The following DOCK3 variants were observed in gnomAD, a reference collection of about 807,000 sequenced individuals.
The protein encoded by DOCK3 is dedicator of cytokinesis 3, also known as dedicator of cytokinesis protein 3.
In DOCK3, 60 loss-of-function variants were observed where a neutral mutation model predicts 265.6. That is an observed-to-expected ratio of 0.23 (90% CI 0.18 to 0.28). DOCK3 has a LOEUF of 0.28. Ranked by LOEUF, DOCK3 falls within the 10% of genes least tolerant of loss-of-function variation. The pLI, the probability that DOCK3 is intolerant of heterozygous loss-of-function variation, is 1.00. For missense variants in DOCK3, 1,981 were observed against 2,594.3 expected (o/e 0.76, Z 5.14); for synonymous variants, 881 against 938.0 (o/e 0.94, Z 1.11).
intron 1 of DOCK3, among the ~76,000 whole-genome samples, chr3:50,747,161 A>G (rs775463874): frequency 7.2e-5 from 11 of 152,178 alleles, no homozygotes; most frequent in Non-Finnish European, 7.3e-5. Context: ...CCACTGATCT[A>G]TTAGTCTGTA....
At chr3:50,896,151 T>A (rs1451034410) in intron 4 of DOCK3, among the ~76,000 whole-genome samples, 1 of 152,210 alleles carries the variant, frequency 6.6e-6, no homozygotes, top group East Asian at 1.9e-4. Context: ...TGTAAAAGTG[T>A]TCCTATTTCT....
At chr3:51,098,257 A>C (rs140354230) in intron 9 of DOCK3, among the ~76,000 whole-genome samples, 1 of 152,100 alleles carries the variant, frequency 6.6e-6, no homozygotes, top group Admixed American at 6.5e-5. Context: ...GGGTTTCACC[A>C]TGTTTGCCAG....
intron 6 of DOCK3, among the ~76,000 whole-genome samples, chr3:51,072,997 C>T (rs1020815091): frequency 3.3e-5 from 5 of 151,888 alleles, no homozygotes; most frequent in East Asian, 1.9e-4. Flanking sequence ...CATGAGCTAC[C>T]GCACCTAGCC....
intron 5 of DOCK3, among the ~76,000 whole-genome samples, chr3:50,934,840 T>C (rs2051266738): frequency 1.3e-5 from 2 of 152,186 alleles, no homozygotes; most frequent in African/African-American, 2.4e-5. Context: ...TCATAATATC[T>C]ACACTAAAAG....
chr3:51,177,140 C>G (rs1244212050), intron 12 of DOCK3, among the ~76,000 whole-genome samples: 1 of 152,146 alleles, frequency 6.6e-6, no homozygotes, highest in Admixed American at 6.5e-5. Flanking sequence ...CCTGGTTAAG[C>G]AGGTGACTCA....
intron 5 of DOCK3, among the ~76,000 whole-genome samples, chr3:50,934,844 C>G (rs529235635): frequency 1.3e-5 from 2 of 152,158 alleles, no homozygotes; most frequent in Non-Finnish European, 2.9e-5. Flanking sequence ...AATATCTACA[C>G]TAAAAGTAAG....
At chr3:51,006,171 G>T (rs2078668806) in intron 5 of DOCK3, among the ~76,000 whole-genome samples, 1 of 151,164 alleles carries the variant, frequency 6.6e-6, no homozygotes, top group South Asian at 2.1e-4. Context: ...CTCTGCTCGT[G>T]TTACAGTCTC....
intron 15 of DOCK3, 126 bp downstream of exon 15, chr3:51,225,899 T>A: frequency 1.6e-6 from 2 of 1,244,078 alleles, no homozygotes; most frequent in Non-Finnish European, 1.1e-6. Context: ...TTTCTCTGCC[T>A]TTTTCTTTCT....
intron 1 of DOCK3, among the ~76,000 whole-genome samples, chr3:50,749,250 T>G (rs1232006632): frequency 6.6e-6 from 1 of 152,248 alleles, no homozygotes. Flanking sequence ...TGGGACAAAT[T>G]TAGCATTTAA....
intron 1 of DOCK3, among the ~76,000 whole-genome samples, chr3:50,704,832 T>G (rs2036285949): frequency 6.6e-6 from 1 of 152,162 alleles, no homozygotes; most frequent in Non-Finnish European, 1.5e-5. Context: ...TTTTGTCATG[T>G]TGGCCAGGCT....
In DOCK3 at chr3:51,361,488, G is replaced by A. The variant is rs551110745; in HGVS notation, c.5007-371G>A. The stretch of plus-strand genomic sequence containing the variant: ...CCATCATGGTGTGGGGGGGTTGGGG[G>A]GTGGGCACTGACCCAGACTAATACC... On this transcript the variant is annotated intron_variant, in intron 47 of 52. Transcript: ENST00000266037. This position sits in a 1 kb window ranked among gnomAD's most constrained non-coding sequence, Gnocchi z 4.2. Among the ~76,000 whole-genome samples the A allele has an allele frequency of 1.1e-3, 168 of 152,118 alleles. No individual in the cohort carries two copies. Among genetic ancestry groups the A allele is most frequent in the African/African-American group, 4.0e-3 (166 of 41,472 alleles).
In DOCK3 at chr3:51,200,006, A is replaced by G. The variant is rs9864039; in HGVS notation, c.1038-8768A>G. On this transcript the variant is annotated intron_variant, in intron 12 of 52. Coordinates refer to ENST00000266037, the MANE Select transcript of DOCK3 (RefSeq NM_004947.5). ...TTAGAAGGAAAACTAACAAACAGAAAGGACATCCACACCAAAAACCCATCT... is the reference window on the plus strand; with the variant it reads ...TTAGAAGGAAAACTAACAAACAGAAGGGACATCCACACCAAAAACCCATCT... 3.7e-3 allele frequency among the ~76,000 whole-genome samples: 565 copies of G among 152,260 alleles called. 4 individuals carry two copies. The highest frequency in any genetic ancestry group is 0.013 in the African/African-American group (541 of 41,554).
At chr3:50,912,607 A>G (rs2049915941) in intron 4 of DOCK3, among the ~76,000 whole-genome samples, 1 of 152,110 alleles carries the variant, frequency 6.6e-6, no homozygotes, top group African/African-American at 2.4e-5. Flanking sequence ...TTAGAAGTCT[A>G]CTTGGTGTTC....
chr3:51,075,229 T>A, intron 6 of DOCK3, 127 bp from the exon 7 acceptor site: 1 of 684,224 alleles, frequency 1.5e-6, no homozygotes, highest in Non-Finnish European at 2.5e-6. Context: ...TATAAAGACA[T>A]GTTCCTGCTA....
At chr3:51,133,927 C>T (rs954610626) in intron 9 of DOCK3, among the ~76,000 whole-genome samples, 8 of 152,158 alleles carry the variant, frequency 5.3e-5, no homozygotes, top group Admixed American at 4.6e-4. Flanking sequence ...TCATCTCCCT[C>T]CTCCCACCCT....
At chr3:51,108,432 A>G (rs926117644) in intron 9 of DOCK3, among the ~76,000 whole-genome samples, 2 of 152,202 alleles carry the variant, frequency 1.3e-5, no homozygotes, top group African/African-American at 2.4e-5. Context: ...ACCACCACAT[A>G]CACACACTTA....
chr3:51,053,247 T>G (rs778356208), intron 5 of DOCK3, among the ~76,000 whole-genome samples: 1 of 150,294 alleles, frequency 6.7e-6, no homozygotes, highest in African/African-American at 2.4e-5. Context: ...TAGTTGTTTC[T>G]TCTGGTGTTT....
chr3:50,691,528 G>A (rs1374133420), intron 1 of DOCK3, among the ~76,000 whole-genome samples: 4 of 152,164 alleles, frequency 2.6e-5, no homozygotes, highest in Non-Finnish European at 5.9e-5. Flanking sequence ...GTGAACACTG[G>A]CATGCTAGTA....
chr3:51,264,692 T>C (rs945266754), intron 23 of DOCK3, among the ~76,000 whole-genome samples: 1 of 151,922 alleles, frequency 6.6e-6, no homozygotes, highest in African/African-American at 2.4e-5. Context: ...CCGGGCATGG[T>C]GGCGGTTACG....
Sources: allele counts gnomAD v4.1 joint callset (sites outside exome capture counted in the v4.1 genomes callset), GRCh38; gene constraint gnomAD v4.1.1; non-coding constraint Gnocchi (gnomAD v3.1); transcripts MANE v1.5; gene names NCBI Gene and HGNC (gene_info 2026-07-23, HGNC 2026-07-21).